PIGK: variants seen among roughly 807,000 people sequenced by gnomAD.
PIGK encodes the protein GPI-anchor transamidase.
In PIGK, 42 loss-of-function variants were observed where a neutral mutation model predicts 50.6. The observed-to-expected ratio is 0.83, with a 90% CI of 0.65 to 1.07. PIGK has a LOEUF of 1.07. Among genes scored for constraint, PIGK ranks in the 50% least tolerant of loss-of-function variants. PIGK has a pLI of 0.00. For synonymous variants in PIGK, 151 were observed against 156.0 expected (o/e 0.97, Z 0.24); for missense variants, 448 against 488.7 (o/e 0.92, Z 0.78).
At chr1:77,132,578 A>C (rs1051500786) in intron 9 of PIGK, among the ~76,000 whole-genome samples, 4 of 151,962 alleles carry the variant, frequency 2.6e-5, no homozygotes, top group Non-Finnish European at 5.9e-5. Flanking sequence ...AAACTCAACA[A>C]GATGGTGGGG....
chr1:77,160,685 T>G (rs903306377), intron 8 of PIGK, among the ~76,000 whole-genome samples: 1 of 152,222 alleles, frequency 6.6e-6, no homozygotes, highest in African/African-American at 2.4e-5. Flanking sequence ...CTTTTTGTTA[T>G]GCCTACTTTC....
chr1:77,135,533 T>TGC (rs1654487559), intron 9 of PIGK, among the ~76,000 whole-genome samples: 1 of 152,080 alleles, frequency 6.6e-6, no homozygotes, highest in African/African-American at 2.4e-5. Flanking sequence ...TCTGTAGTTA[T>TGC]GCCTCTTTTT....
intron 1 of PIGK, among the ~76,000 whole-genome samples, chr1:77,215,136 T>C (rs745589572): frequency 5.3e-5 from 8 of 151,972 alleles, no homozygotes; most frequent in Non-Finnish European, 1.0e-4. Flanking sequence ...TTCACAGAAA[T>C]AGAAAAGCAA....
intron 1 of PIGK, among the ~76,000 whole-genome samples, chr1:77,215,391 T>C (rs1282298911): frequency 1.3e-5 from 2 of 152,002 alleles, no homozygotes; most frequent in African/African-American, 4.8e-5. Context: ...TAGTGCCTAT[T>C]ATCAAAAAGA....
chr1:77,099,036 T>C (rs1653484993), intron 10 of PIGK, among the ~76,000 whole-genome samples: 1 of 152,142 alleles, frequency 6.6e-6, no homozygotes, highest in African/African-American at 2.4e-5. Context: ...TTCTAGGATC[T>C]ATATTAAGGA....
intron 3 of PIGK, among the ~76,000 whole-genome samples, chr1:77,182,857 A>G (rs1030342189): frequency 6.6e-6 from 1 of 152,218 alleles, no homozygotes; most frequent in South Asian, 2.1e-4. Context: ...AGAGACAAGG[A>G]GTTTAGTAAC....
rs1242029597 is a variant in PIGK at position 77,182,390 on chromosome 1, G to C, written c.240-12995C>G. Among the ~76,000 whole-genome samples, 4 of 152,028 alleles carry C rather than the reference G, an allele frequency of 2.6e-5. No homozygotes were observed. In the East Asian group the frequency reaches 7.7e-4, roughly 29 times the overall value. The stretch of plus-strand genomic sequence containing the variant: ...TAGCCATACTGGCAGCTGCTTAGAT[G>C]GTGCCCACCCAGATTAAGGGTGGGT... On this transcript the variant is annotated intron_variant, in intron 3 of 10. Coordinates refer to ENST00000370812, the MANE Select transcript of PIGK (RefSeq NM_005482.3).
At chr1:77,210,559 G>A in intron 1 of PIGK, 70 bp from the exon 2 acceptor site, 2 of 892,494 alleles carry the variant, frequency 2.2e-6, no homozygotes, top group Non-Finnish European at 3.5e-6. Context: ...ATGGACAGTT[G>A]AGACTCGTGT....
chr1:77,189,966 G>A (rs2762882), intron 3 of PIGK, among the ~76,000 whole-genome samples: 26,539 of 151,550 alleles, frequency 0.18, 3,985 homozygotes, highest in African/African-American at 0.41. Context: ...TGTGATGGAA[G>A]CACACACATG....
chr1:77,161,588 A>G lies in PIGK; in HGVS notation c.702+6T>C. ...CACAGTTTACAAATGGGGAAAATGCACATACCGAGAGTGAATCTTCTCCCA... is the reference window on the plus strand; with the variant it reads ...CACAGTTTACAAATGGGGAAAATGCGCATACCGAGAGTGAATCTTCTCCCA... On this transcript the variant is annotated splice_donor_region_variant and intron_variant, in intron 7 of 10. Transcript: ENST00000370812. The G allele has an allele frequency of 7.9e-7, 1 of 1,264,740 alleles. No homozygotes were observed. The allele number at this position is 1,264,740 out of a possible 1,614,324, so 78.3% of individuals were successfully genotyped here. A position where few individuals can be genotyped will look rare whatever the true frequency, so the allele number is the denominator to read the frequency against.
At chr1:77,097,635 T>C (rs1653448376) in intron 10 of PIGK, among the ~76,000 whole-genome samples, 2 of 152,172 alleles carry the variant, frequency 1.3e-5, no homozygotes, top group African/African-American at 4.8e-5. Flanking sequence ...TTGTTAACAT[T>C]ATTAGTTAAC....
intron 3 of PIGK, among the ~76,000 whole-genome samples, chr1:77,183,834 CAA>C (rs1655676875): frequency 6.6e-6 from 1 of 152,080 alleles, no homozygotes. Context: ...GAAAGGGACC[CAA>C]AGGATTAGGG....
chr1:77,166,917 G>T (rs1023887401), intron 4 of PIGK, 87 bp from the exon 5 acceptor site: 11 of 708,718 alleles, frequency 1.6e-5, no homozygotes, highest in Non-Finnish European at 2.7e-5. Context: ...AATGTTCATT[G>T]TTCTTTCTCC....
Position 77,107,216 on chromosome 1 carries a change from G to A in PIGK, c.1072-14726C>T, listed in dbSNP as rs541074030. 2.7e-3 allele frequency among the ~76,000 whole-genome samples: 414 copies of A among 152,098 alleles called. 1 individual carries two copies. The highest frequency in any genetic ancestry group is 9.2e-3 in the African/African-American group (381 of 41,484). On this transcript the variant is annotated intron_variant, in intron 10 of 10. Coordinates refer to ENST00000370812, the MANE Select transcript of PIGK (RefSeq NM_005482.3). ...TTTTAGATCTTTCCTGCTTTCTCTTGTGGGCATTTAGTGCTATAAATTTCC... is the reference window on the plus strand; with the variant it reads ...TTTTAGATCTTTCCTGCTTTCTCTTATGGGCATTTAGTGCTATAAATTTCC...
chr1:77,129,202 G>C, intron 9 of PIGK: 1 of 1,598,174 alleles, frequency 6.3e-7, no homozygotes, highest in Non-Finnish European at 8.6e-7. Flanking sequence ...AAGAACACTC[G>C]TGAAACTGCT....
At chr1:77,136,451 C>T (rs1004027521) in intron 9 of PIGK, among the ~76,000 whole-genome samples, 5 of 149,978 alleles carry the variant, frequency 3.3e-5, no homozygotes, top group Admixed American at 3.3e-4. Context: ...ACGGCGTGAA[C>T]CCGGGAGGCG....
intron 9 of PIGK, among the ~76,000 whole-genome samples, chr1:77,141,614 G>A (rs531517905): frequency 3.7e-4 from 57 of 152,156 alleles, no homozygotes; most frequent in East Asian, 2.5e-3. Flanking sequence ...AATACAGCTC[G>A]TCAATGTTGG....
intron 10 of PIGK, among the ~76,000 whole-genome samples, chr1:77,108,589 G>A (rs926764870): frequency 1.3e-5 from 2 of 152,052 alleles, no homozygotes; most frequent in Non-Finnish European, 2.9e-5. Context: ...TCTTCTCGAG[G>A]AGTATCTTTG....
At chr1:77,183,210 C>T (rs187884856) in intron 3 of PIGK, among the ~76,000 whole-genome samples, 5 of 152,282 alleles carry the variant, frequency 3.3e-5, no homozygotes, top group Non-Finnish European at 5.9e-5. Context: ...GGAATGGGAA[C>T]ATATGGAGGA....
Sources: allele counts gnomAD v4.1 joint callset (sites outside exome capture counted in the v4.1 genomes callset), GRCh38; gene constraint gnomAD v4.1.1; transcripts MANE v1.5; gene names NCBI Gene and HGNC (gene_info 2026-07-23, HGNC 2026-07-21).